ZNF454: variants seen among roughly 807,000 people sequenced by gnomAD.
The protein encoded by ZNF454 is zinc finger protein 454.
In ZNF454, 30 loss-of-function variants were observed where a neutral mutation model predicts 48.2. That is an observed-to-expected ratio of 0.62 (90% confidence interval 0.47 to 0.84). The LOEUF is 0.84. Ranked by LOEUF, ZNF454 falls within the 40% of genes least tolerant of loss-of-function variation. The pLI is 0.00. For missense variants in ZNF454, 510 were observed against 623.1 expected, an observed-to-expected ratio of 0.82 and a Z score of 1.93; for synonymous variants, 204 against 211.4, an observed-to-expected ratio of 0.97 and a Z score of 0.30.
At chr5:178,981,921 C>G in the ZNF454 span, 1 of 958,638 alleles carries the variant, frequency 1.0e-6, no homozygotes, top group South Asian at 1.3e-5. This position sits in a 1 kb window ranked among gnomAD's most constrained non-coding sequence, Gnocchi z 5.1. Flanking sequence ...CCACACAGTC[C>G]TCACCACATA....
chr5:178,964,980 T>C lies in ZNF454; in HGVS notation c.576T>C (p.Thr192=). ...ECGKVFSKSS[T]LNKHQKIHNE... ...GAAAAGTCTTCTCTAAGAGTTCAAC[T>C]CTTAATAAACATCAGAAAATTCATA... Residue 192 remains threonine, a synonymous_variant, in exon 5 of 5, where the codon ACT becomes ACC. Coordinates refer to ENST00000519564, the MANE Select transcript of ZNF454 (RefSeq NM_001178089.3). 1.9e-6 allele frequency: 3 copies of C among 1,614,154 alleles called. No individual in the cohort carries two copies. The highest frequency in any genetic ancestry group is 2.5e-6 in the Non-Finnish European group (3 of 1,180,020).
At chr5:178,945,873 C>T (rs893253083) in intron 2 of ZNF454, among the ~76,000 whole-genome samples, 2 of 151,862 alleles carry the variant, frequency 1.3e-5, no homozygotes, top group African/African-American at 2.4e-5. Context: ...AACAGTCCAG[C>T]GGGGGAGACT....
rs1402135903 is a variant in ZNF454, at chr5:178,944,315, C to G, written c.33+1491C>G. Reference sequence around the variant, plus strand: ...CTTTTTCTGCAAAACCTGTCCGCACCCACAGTGCCAGTCTACTGTGATATT... The same window carrying G: ...CTTTTTCTGCAAAACCTGTCCGCACGCACAGTGCCAGTCTACTGTGATATT... On this transcript the variant is annotated intron_variant, in intron 2 of 4. Coordinates refer to ENST00000519564, the MANE Select transcript of ZNF454 (RefSeq NM_001178089.3). The surrounding 1 kb of genome is among the most constrained non-coding windows in gnomAD (Gnocchi z 4.1). Among the ~76,000 whole-genome samples, 1 of 152,174 alleles carries G rather than the reference C, an allele frequency of 6.6e-6. No homozygotes were observed. Among genetic ancestry groups the G allele is most frequent in the East Asian group, 1.9e-4 (1 of 5,186 alleles).
At chr5:178,972,312 A>G in the ZNF454 span, among the ~76,000 whole-genome samples, 1 of 152,238 alleles carries the variant, frequency 6.6e-6, no homozygotes, top group Non-Finnish European at 1.5e-5. Flanking sequence ...AACATTTTAC[A>G]ATCTATTTTA....
rs1219316638 is a variant in ZNF454 at position 178,941,362 on chromosome 5, G to T, written c.-190G>T. 4.4e-6 allele frequency: 2 copies of T among 455,468 alleles called. No individual in the cohort carries two copies. The highest frequency in any genetic ancestry group is 8.8e-6 in the Non-Finnish European group (2 of 226,448). The allele number at this position is 455,468 out of a possible 1,614,324, so 28.2% of individuals were successfully genotyped here. A position where few individuals can be genotyped will look rare whatever the true frequency, so the allele number is the denominator to read the frequency against. On this transcript the variant is annotated 5_prime_UTR_variant, in exon 1 of 5. Coordinates refer to ENST00000519564, the MANE Select transcript of ZNF454 (RefSeq NM_001178089.3). This position sits in a 1 kb window ranked among gnomAD's most constrained non-coding sequence, Gnocchi z 5.5. The stretch of plus-strand genomic sequence containing the variant: ...GAGCGGTCGTGAGGTCGTCTGGGGA[G>T]AAGGGCGGAGGCAAAGCCGAGGAGG...
Position 178,965,369 on chromosome 5 carries a change from A to G in ZNF454, c.965A>G (p.His322Arg), listed in dbSNP as rs746208747. The G allele has an allele frequency of 6.2e-7, 1 of 1,614,226 alleles. No homozygotes were observed. The highest frequency in any genetic ancestry group is 8.5e-7 in the Non-Finnish European group (1 of 1,180,042). Residue 322 changes from histidine to arginine, a missense_variant, in exon 5 of 5, where the codon CAC (histidine) becomes CGC (arginine). Around this residue, in one of 3 missense-constraint regions of ZNF454, gnomAD observed 354 missense variants for 408.9 expected, o/e 0.87. Transcript: ENST00000519564. This position sits in a 1 kb window ranked among gnomAD's most constrained non-coding sequence, Gnocchi z 5.2. ...RAHLTKHQNI[H>R]SGEKPYKCNE... ...CACCTTACCAAACACCAGAATATCC[A>G]CAGTGGAGAGAAACCCTATAAATGC...
chr5:178,947,554 C>A (rs1172326313), intron 4 of ZNF454, among the ~76,000 whole-genome samples: 2 of 152,178 alleles, frequency 1.3e-5, no homozygotes, highest in Non-Finnish European at 2.9e-5. Context: ...GTTGCTCACA[C>A]CTAGCGTAGT....
rs766784635 is a variant in ZNF454, at chr5:178,941,430, C to T, written c.-122C>T. On this transcript the variant is annotated 5_prime_UTR_variant, in exon 1 of 5. The change creates a premature stop within an existing upstream ORF in the 5' untranslated region. Transcript: ENST00000519564. The surrounding 1 kb of genome is among the most constrained non-coding windows in gnomAD (Gnocchi z 5.5). ...TCTGGAGGACGCTGATCGAATGCCC[C>T]AAACTTCCCGGAATGTATGTCTGAG... 45 of 456,316 alleles carry T rather than the reference C, an allele frequency of 9.9e-5. No individual in the cohort carries two copies. Among genetic ancestry groups the T allele is most frequent in the South Asian group, 5.6e-4 (36 of 64,556 alleles). 28.3% of individuals were successfully genotyped at this position (456,316 alleles called of 1,614,324 possible).
At chr5:178,985,680 G>A in the ZNF454 span, 16 of 397,534 alleles carry the variant, frequency 4.0e-5, no homozygotes, top group South Asian at 1.5e-4. Context: ...TCCAGCCTGG[G>A]CGACACAGCG....
the ZNF454 span, chr5:178,985,557 G>A: frequency 2.1e-5 from 7 of 338,174 alleles, no homozygotes; most frequent in East Asian, 8.2e-5. Flanking sequence ...CAAAAAATTA[G>A]CCGGGCGTGG....
chr5:178,974,340 G>A, the ZNF454 span, among the ~76,000 whole-genome samples: 1 of 152,032 alleles, frequency 6.6e-6, no homozygotes, highest in East Asian at 1.9e-4. Context: ...TGTTGTTGGA[G>A]ATGGAGTCTC....
the ZNF454 span, among the ~76,000 whole-genome samples, chr5:178,974,312 GGTTGTT>G: frequency 1.5e-3 from 228 of 147,842 alleles, no homozygotes; most frequent in African/African-American, 5.6e-3. Context: ...TTGTGGTTGT[GGTTGTT>G]GTTGTTGTTG....
the ZNF454 span, chr5:178,982,864 T>G: frequency 0.04 from 55,175 of 1,373,790 alleles, 1,771 homozygotes; most frequent in East Asian, 0.16. Context: ...TCGACCAGCC[T>G]GACAGGCAGG....
At chr5:178,955,681 G>C (rs4700972) in intron 4 of ZNF454, among the ~76,000 whole-genome samples, 41,133 of 152,076 alleles carry the variant, frequency 0.27, 6,031 homozygotes, top group Admixed American at 0.35. Flanking sequence ...AGTAATGTTA[G>C]TCTCACAAAA....
At chr5:178,968,105 T>TCACACACACACA (rs3031585), downstream of ZNF454, among the ~76,000 whole-genome samples, 13,296 of 144,892 alleles carry the variant, frequency 0.092, 748 homozygotes, top group Non-Finnish European at 0.12. Flanking sequence ...CATCTGTGCA[T>TCACACACACACA]CACACACACA....
chr5:178,985,627 C>CCAG, the ZNF454 span: 2 of 368,098 alleles, frequency 5.4e-6, no homozygotes, highest in Non-Finnish European at 1.1e-5. Context: ...GGCGTGAACC[C>CCAG]GGAAGGCAGA....
the ZNF454 span, among the ~76,000 whole-genome samples, chr5:178,977,953 T>G: frequency 6.6e-6 from 1 of 152,324 alleles, no homozygotes; most frequent in South Asian, 2.1e-4. Flanking sequence ...ATCCAACTGG[T>G]CAGTTTCTTC....
At position 178,941,492 on chromosome 5, in the gene ZNF454, C is replaced by T. The variant is rs977333542; in HGVS notation, c.-108+48C>T. The stretch of plus-strand genomic sequence containing the variant: ...GAGAGGGAGGACGGCCAGGGGTGGT[C>T]ATCCTGGGCTGAGGGTCGAGTCTGT... On this transcript the variant is annotated intron_variant, in intron 1 of 4. Coordinates refer to ENST00000519564, the MANE Select transcript of ZNF454 (RefSeq NM_001178089.3). The surrounding 1 kb of genome is among the most constrained non-coding windows in gnomAD (Gnocchi z 5.5). The T allele has an allele frequency of 2.2e-6, 1 of 456,614 alleles. No individual in the cohort carries two copies. Among genetic ancestry groups the T allele is most frequent in the South Asian group, 1.5e-5 (1 of 64,562 alleles). The allele number at this position is 456,614 out of a possible 1,614,324, so 28.3% of individuals were successfully genotyped here. A position where few individuals can be genotyped will look rare whatever the true frequency, so the allele number is the denominator to read the frequency against.
At chr5:178,984,610 G>T in the ZNF454 span, among the ~76,000 whole-genome samples, 22 of 152,150 alleles carry the variant, frequency 1.4e-4, no homozygotes, top group Non-Finnish European at 1.3e-4. Flanking sequence ...CCACCTGAGG[G>T]TGGGGGAGCA....
Sources: allele counts gnomAD v4.1 joint callset (sites outside exome capture counted in the v4.1 genomes callset), GRCh38; gene constraint gnomAD v4.1.1; regional missense constraint gnomAD v4.1.1; non-coding constraint Gnocchi (gnomAD v3.1); transcripts MANE v1.5; gene names NCBI Gene and HGNC (gene_info 2026-07-23, HGNC 2026-07-21).